GPC5: variants seen among roughly 807,000 people sequenced by gnomAD.
GPC5 encodes the protein glypican-5.
In GPC5, 47 loss-of-function variants were observed where a neutral mutation model predicts 53.9. The observed-to-expected ratio is 0.87, with a 90% CI of 0.69 to 1.11. The LOEUF (loss-of-function observed/expected upper bound fraction) is 1.11, where lower values mean the gene tolerates loss of function less well. GPC5 is among the 50% of genes most tolerant of loss of function. GPC5 has a pLI of 0.00. For missense variants in GPC5, 748 were observed against 713.1 expected, an observed-to-expected ratio of 1.05 and a Z score of -0.56; for synonymous variants, 286 against 263.3, an observed-to-expected ratio of 1.09 and a Z score of -0.84.
chr13:91,434,113 A>C (rs973442038), intron 1 of GPC5, among the ~76,000 whole-genome samples: 22 of 152,176 alleles, frequency 1.4e-4, no homozygotes, highest in African/African-American at 2.9e-4. Flanking sequence ...CCTTTGTCAG[A>C]TGAGTAGATT....
intron 7 of GPC5, among the ~76,000 whole-genome samples, chr13:92,215,887 C>T (rs139209809): frequency 6.7e-4 from 102 of 152,234 alleles, no homozygotes; most frequent in East Asian, 2.9e-3. Context: ...CAGTGGGCTC[C>T]GTTTGAGGGA....
intron 7 of GPC5, among the ~76,000 whole-genome samples, chr13:92,561,172 G>T (rs1203851566): frequency 2.0e-5 from 3 of 151,868 alleles, no homozygotes; most frequent in Non-Finnish European, 4.4e-5. Context: ...ACAGTCTACT[G>T]TATTTTTCAA....
intron 7 of GPC5, among the ~76,000 whole-genome samples, chr13:92,333,731 G>T (rs1250195174): frequency 6.6e-6 from 1 of 152,052 alleles, no homozygotes; most frequent in African/African-American, 2.4e-5. Context: ...TATCAAGAAA[G>T]AATTGCAAGG....
At chr13:91,943,946 G>C (rs1308694854) in intron 6 of GPC5, among the ~76,000 whole-genome samples, 2 of 151,834 alleles carry the variant, frequency 1.3e-5, no homozygotes, top group African/African-American at 4.8e-5. Flanking sequence ...CTTTCATGTT[G>C]ATTACAACTC....
chr13:92,300,530 C>T (rs1301555809), intron 7 of GPC5, among the ~76,000 whole-genome samples: 1 of 152,108 alleles, frequency 6.6e-6, no homozygotes, highest in Non-Finnish European at 1.5e-5. Flanking sequence ...TCATTCAACT[C>T]AAATATCTTT....
At chr13:92,571,859 C>A (rs1321169924) in intron 7 of GPC5, among the ~76,000 whole-genome samples, 1 of 151,956 alleles carries the variant, frequency 6.6e-6, no homozygotes, top group South Asian at 2.1e-4. Flanking sequence ...GGCAACATGG[C>A]GAGGTCCCAT....
chr13:92,743,442 T>C (rs975370036), intron 7 of GPC5, among the ~76,000 whole-genome samples: 1 of 152,186 alleles, frequency 6.6e-6, no homozygotes, highest in Admixed American at 6.6e-5. Flanking sequence ...TTTTGTATCC[T>C]GAGACTTTGC....
At chr13:92,466,140 TCATAA>T (rs1878682060) in intron 7 of GPC5, among the ~76,000 whole-genome samples, 1 of 151,926 alleles carries the variant, frequency 6.6e-6, no homozygotes, top group African/African-American at 2.4e-5. Flanking sequence ...TATAGAGGTA[TCATAA>T]CATCATATTA....
At chr13:92,421,304 C>CTG (rs1196420706) in intron 7 of GPC5, among the ~76,000 whole-genome samples, 1 of 152,178 alleles carries the variant, frequency 6.6e-6, no homozygotes, top group Non-Finnish European at 1.5e-5. Flanking sequence ...GGAACATGGA[C>CTG]TGTGACTCTA....
intron 2 of GPC5, among the ~76,000 whole-genome samples, chr13:91,520,670 A>ATG (rs1404155310): frequency 6.6e-6 from 1 of 151,734 alleles, no homozygotes; most frequent in Non-Finnish European, 1.5e-5. Context: ...GTGGGTATAT[A>ATG]TGTGTGTATA....
At chr13:91,666,507 T>G (rs1408603874) in intron 2 of GPC5, among the ~76,000 whole-genome samples, 1 of 152,196 alleles carries the variant, frequency 6.6e-6, no homozygotes, top group African/African-American at 2.4e-5. Flanking sequence ...AATATTTGAT[T>G]AAAACAAAAC....
chr13:92,757,243 T>C (rs1338165017), intron 7 of GPC5, among the ~76,000 whole-genome samples: 1 of 152,206 alleles, frequency 6.6e-6, no homozygotes, highest in Non-Finnish European at 1.5e-5. Context: ...AGGATTCGTA[T>C]TTAATAAATG....
At chr13:91,472,077 C>T (rs1386683172) in intron 2 of GPC5, among the ~76,000 whole-genome samples, 2 of 152,040 alleles carry the variant, frequency 1.3e-5, no homozygotes, top group East Asian at 3.9e-4. Flanking sequence ...ACTCATTTTC[C>T]TTCTGCAATA....
At chr13:91,757,463 A>G (rs927549970) in intron 5 of GPC5, among the ~76,000 whole-genome samples, 1 of 152,070 alleles carries the variant, frequency 6.6e-6, no homozygotes, top group Non-Finnish European at 1.5e-5. Flanking sequence ...CGTAATCCCC[A>G]GGTGACCTGG....
At chr13:92,199,651 G>A (rs143526220) in intron 7 of GPC5, among the ~76,000 whole-genome samples, 2 of 151,982 alleles carry the variant, frequency 1.3e-5, no homozygotes, top group African/African-American at 2.4e-5. Context: ...AATATTAAAG[G>A]CCCAATATTC....
chr13:92,227,850 T>C (rs2042499722), intron 7 of GPC5, among the ~76,000 whole-genome samples: 2 of 152,084 alleles, frequency 1.3e-5, no homozygotes, highest in Non-Finnish European at 2.9e-5. Context: ...AGGTATAATT[T>C]TTGACTTCCA....
At position 92,006,755 on chromosome 13, in the gene GPC5, A is replaced by G. The variant is rs189638526; in HGVS notation, c.1401+98698A>G. ...AATGAAGAGAGAGAGACACACACAC[A>G]TTCATAAACATACACACACACACAG... On this transcript the variant is annotated intron_variant, in intron 6 of 7. Coordinates refer to ENST00000377067, the MANE Select transcript of GPC5 (RefSeq NM_004466.6). 3.1e-3 allele frequency among the ~76,000 whole-genome samples: 470 copies of G among 152,276 alleles called. 4 individuals carry two copies. Among genetic ancestry groups the G allele is most frequent in the African/African-American group, 0.01 (416 of 41,576 alleles).
At chr13:91,826,964 T>C (rs2038585727) in intron 5 of GPC5, among the ~76,000 whole-genome samples, 1 of 151,776 alleles carries the variant, frequency 6.6e-6, no homozygotes, top group Non-Finnish European at 1.5e-5. Flanking sequence ...AAAGAGGAGT[T>C]GTTGAATGGG....
intron 1 of GPC5, among the ~76,000 whole-genome samples, chr13:91,427,763 C>A (rs1195248598): frequency 6.6e-6 from 1 of 152,142 alleles, no homozygotes; most frequent in Non-Finnish European, 1.5e-5. Flanking sequence ...GTGTCCCCAC[C>A]TAAAATTTCA....
Sources: gnomAD v4.1 joint callset for allele counts (sites outside exome capture counted in the v4.1 genomes callset) on GRCh38, gnomAD v4.1.1 for gene constraint, MANE v1.5 for transcripts, NCBI Gene and HGNC (gene_info 2026-07-23, HGNC 2026-07-21) for gene names.